The following VPS13A variants were observed in gnomAD, a reference collection of about 807,000 sequenced individuals.
VPS13A encodes the protein vacuolar protein sorting 13 homolog A, also known as intermembrane lipid transfer protein VPS13A.
A neutral mutation model predicts 390.9 loss-of-function variants in VPS13A; 264 were observed. The ratio of observed to expected loss-of-function variants is 0.68; its 90% CI spans 0.61 to 0.75. The LOEUF is 0.75. Ranked by LOEUF, VPS13A falls within the 30% of genes least tolerant of loss-of-function variation. The pLI is 0.00. For missense variants in VPS13A, 3,409 were observed against 3,733.9 expected (o/e 0.91, Z 2.27); for synonymous variants, 1,231 against 1,227.1 (o/e 1.00, Z -0.07).
At chr9:77,328,687 G>A (rs1007555474) in intron 45 of VPS13A, among the ~76,000 whole-genome samples, 14 of 152,088 alleles carry the variant, frequency 9.2e-5, no homozygotes, top group African/African-American at 2.9e-4. Context: ...CTTAAACCTC[G>A]TGAACAAACG....
At chr9:77,373,832 G>T (rs1296259425) in intron 67 of VPS13A, among the ~76,000 whole-genome samples, 4 of 151,938 alleles carry the variant, frequency 2.6e-5, no homozygotes, top group Admixed American at 6.6e-5. Flanking sequence ...CGAAGGACAT[G>T]AACAGACACT....
intron 19 of VPS13A, among the ~76,000 whole-genome samples, chr9:77,241,418 G>A (rs1029982153): frequency 3.4e-5 from 5 of 146,748 alleles, no homozygotes; most frequent in East Asian, 2.0e-4. Context: ...TATTTCCCAC[G>A]GATATCTTTA....
Position 77,403,289 on chromosome 9 carries a change from CAATAAG to C in VPS13A, c.9245_9250del (p.Asn3082_Lys3083del). 6.2e-7 allele frequency: 1 copy of C among 1,612,232 alleles called. No homozygotes were observed. The highest frequency in any genetic ancestry group is 8.5e-7 in the Non-Finnish European group (1 of 1,179,624). On this transcript the variant is annotated inframe_deletion, in exon 69 of 72. Transcript: ENST00000360280. Reference sequence around the variant, plus strand: ...ACAAATATTTTACCCATGTCATGATCAATAAGACAGATATGCTAATGATAACCAGAC... The same window carrying C: ...ACAAATATTTTACCCATGTCATGATCACAGATATGCTAATGATAACCAGAC...
chr9:77,304,011 C>T (rs1001502548), intron 34 of VPS13A, among the ~76,000 whole-genome samples: 9 of 151,944 alleles, frequency 5.9e-5, no homozygotes, highest in African/African-American at 2.2e-4. Context: ...TTACGAGTGT[C>T]GGACTGGGGG....
chr9:77,314,172 TTGA>T, intron 36 of VPS13A, 53 bp downstream of exon 36: 1 of 1,596,476 alleles, frequency 6.3e-7, no homozygotes, highest in African/African-American at 1.3e-5. Context: ...TTTGCATAGG[TTGA>T]TGTTTTTAAA....
At chr9:77,403,932 A>G (rs913266414) in intron 69 of VPS13A, among the ~76,000 whole-genome samples, 1 of 152,338 alleles carries the variant, frequency 6.6e-6, no homozygotes. Flanking sequence ...AGTTAGAGCT[A>G]AATAGAAATG....
At chr9:77,277,035 A>G (rs534311937) in intron 26 of VPS13A, among the ~76,000 whole-genome samples, 2 of 152,308 alleles carry the variant, frequency 1.3e-5, no homozygotes, top group Middle Eastern at 3.4e-3. Flanking sequence ...CCTTACTGCA[A>G]ACCTTTTGTG....
At chr9:77,391,365 T>C (rs1370865896) in intron 68 of VPS13A, among the ~76,000 whole-genome samples, 1 of 152,226 alleles carries the variant, frequency 6.6e-6, no homozygotes, top group East Asian at 1.9e-4. Flanking sequence ...TGTGAAAGGA[T>C]ACATTCACTT....
Position 77,247,260 on chromosome 9 carries a change from T to G in VPS13A, c.1902T>G (p.Gly634=). 6.3e-7 allele frequency: 1 copy of G among 1,581,622 alleles called. No individual in the cohort carries two copies. The highest frequency in any genetic ancestry group is 8.6e-7 in the Non-Finnish European group (1 of 1,159,822). ...TAGAAAAGATTTACATTTTTCCAGG[T>G]CTACTGTATATTATTGAAACACAGA... ...LEEFRSKTAT[G]LLYIIETQKV... Residue 634 remains glycine (G), a splice_region_variant and synonymous_variant, in exon 20 of 72, where the codon GGT becomes GGG. Transcript: ENST00000360280.
Position 77,227,415 on chromosome 9 carries a change from A to G in VPS13A, c.1382A>G (p.Glu461Gly), listed in dbSNP as rs1424753737. 2 of 1,613,570 alleles carry G rather than the reference A, an allele frequency of 1.2e-6. No individual in the cohort carries two copies. The highest frequency in any genetic ancestry group is 1.7e-6 in the Non-Finnish European group (2 of 1,179,728). Residue 461 changes from glutamate (E) to glycine (G), a missense_variant, in exon 16 of 72, where the codon GAA (glutamate) becomes GGA (glycine). By Grantham distance (98) the Glu-to-Gly change is moderately conservative (BLOSUM62 -2). Around this residue, in one of 5 missense-constraint regions of VPS13A, gnomAD observed 2,717 missense variants for 2,917.4 expected, o/e 0.93. Transcript: ENST00000360280. Reference sequence around the variant, plus strand: ...GCTCTTGAAGAAATGTTGACACCTGAAGAAAAAGCTTTACTCTATGAAGCA... The same window carrying G: ...GCTCTTGAAGAAATGTTGACACCTGGAGAAAAAGCTTTACTCTATGAAGCA... Reference protein sequence around the residue: ...PETLEEMLTPEEKALLYEAIG... With the variant: ...PETLEEMLTPGEKALLYEAIG...
At chr9:77,218,644 CTT>C (rs200685101) in intron 10 of VPS13A, among the ~76,000 whole-genome samples, 19 of 132,060 alleles carry the variant, frequency 1.4e-4, no homozygotes, top group Middle Eastern at 4.0e-3. Context: ...AGAACATTGC[CTT>C]TTTTTTTTTT....
chr9:77,278,390 T>C (rs543774634), intron 26 of VPS13A, among the ~76,000 whole-genome samples: 2 of 152,202 alleles, frequency 1.3e-5, no homozygotes, highest in African/African-American at 4.8e-5. Flanking sequence ...TTAAGTTTTA[T>C]GTTTATTCTT....
intron 53 of VPS13A, 80 bp downstream of exon 53, chr9:77,351,526 G>A: frequency 1.9e-6 from 3 of 1,550,332 alleles, no homozygotes; most frequent in Non-Finnish European, 2.6e-6. Context: ...GCTCACGCCT[G>A]TAATCCCAGC....
chr9:77,265,257 CT>C (rs1364602785), intron 23 of VPS13A, among the ~76,000 whole-genome samples: 2 of 152,230 alleles, frequency 1.3e-5, no homozygotes, highest in Non-Finnish European at 2.9e-5. Flanking sequence ...CTGAAATTCT[CT>C]TTTTTGTGTG....
At chr9:77,372,817 C>T (rs976458681) in intron 67 of VPS13A, among the ~76,000 whole-genome samples, 1 of 152,152 alleles carries the variant, frequency 6.6e-6, no homozygotes, top group Admixed American at 6.6e-5. Flanking sequence ...GTACAAAAAT[C>T]ACAAGCATTC....
chr9:77,420,486 A>G lies in VPS13A; in HGVS notation c.*4480A>G, dbSNP rs934639528. On this transcript the variant is annotated 3_prime_UTR_variant, in exon 72 of 72. Transcript: ENST00000360280. Reference sequence around the variant, plus strand: ...AAGCATTATGGCATTTTCAAAAAAAAAATTATTTTGGTTACCCAAAAAGCT... The same window carrying G: ...AAGCATTATGGCATTTTCAAAAAAAGAATTATTTTGGTTACCCAAAAAGCT... 1 of 152,184 alleles carries G rather than the reference A, an allele frequency of 6.6e-6. No homozygotes were observed. Among genetic ancestry groups the G allele is most frequent in the Non-Finnish European group, 1.5e-5 (1 of 68,024 alleles). 9.4% of individuals were successfully genotyped at this position (152,184 alleles called of 1,614,324 possible).
intron 22 of VPS13A, among the ~76,000 whole-genome samples, chr9:77,253,936 C>CTTTTT (rs1172781069): frequency 1.3e-4 from 7 of 55,066 alleles, no homozygotes; most frequent in African/African-American, 2.8e-4. Flanking sequence ...GGCCTTTATT[C>CTTTTT]TTTTTTTTTT....
rs148458576 is a variant in VPS13A, at chr9:77,382,017, G to A, written c.9119G>A (p.Arg3040Gln). The stretch of plus-strand genomic sequence containing the variant: ...GAAGTGGAGAGTCTGCGACCTCCTC[G>A]GTTCTTCAATGAAGATGGAGTTATC... The part of the protein sequence containing the change: ...TSEVESLRPP[R>Q]FFNEDGVIRP... Residue 3040 changes from arginine to glutamine, a missense_variant, in exon 68 of 72, where the codon CGG (arginine) becomes CAG (glutamine). Physicochemically the swap from Arg to Gln is conservative, Grantham distance 43. This residue lies in a region of VPS13A where 318 missense variants were observed against 333.7 expected (regional missense o/e 0.95). Transcript: ENST00000360280. 219 of 1,608,024 alleles carry A rather than the reference G, an allele frequency of 1.4e-4. 1 individual carries two copies. Among genetic ancestry groups the A allele is most frequent in the Admixed American group, 5.0e-5 (3 of 59,734 alleles).
At chr9:77,281,228 A>T (rs1409899514) in intron 27 of VPS13A, among the ~76,000 whole-genome samples, 1 of 152,174 alleles carries the variant, frequency 6.6e-6, no homozygotes. Flanking sequence ...ATCTGTATAC[A>T]GCAGGGGAAC....
Sources: allele counts gnomAD v4.1 joint callset (sites outside exome capture counted in the v4.1 genomes callset), GRCh38; gene constraint gnomAD v4.1.1; regional missense constraint gnomAD v4.1.1; transcripts MANE v1.5; gene names NCBI Gene and HGNC (gene_info 2026-07-23, HGNC 2026-07-21).